The following MBP variants were observed in gnomAD, a reference collection of about 807,000 sequenced individuals.
The protein encoded by MBP is Golli-MBP.
In MBP, 16 loss-of-function variants were observed where a neutral mutation model predicts 35.8. The ratio of observed to expected loss-of-function variants is 0.45; its 90% CI spans 0.30 to 0.68. MBP has a LOEUF of 0.68. Among genes scored for constraint, MBP ranks in the 30% least tolerant of loss-of-function variants. The pLI, the probability that MBP is intolerant of heterozygous loss-of-function variation, is 0.08. For synonymous variants in MBP, 143 were observed against 159.6 expected, an observed-to-expected ratio of 0.90 and a Z score of 0.78; for missense variants, 380 against 404.7, an observed-to-expected ratio of 0.94 and a Z score of 0.52.
At chr18:76,986,091 G>C (rs898584958) in intron 7 of MBP, 1 of 985,458 alleles carries the variant, frequency 1.0e-6, no homozygotes, top group East Asian at 1.1e-4. Flanking sequence ...GTTAACAATG[G>C]GGGGCGAAGT....
At chr18:77,001,145 GC>G (rs1970610634) in intron 4 of MBP, among the ~76,000 whole-genome samples, 1 of 151,228 alleles carries the variant, frequency 6.6e-6, no homozygotes, top group Non-Finnish European at 1.5e-5. Context: ...CCTGGTCCCC[GC>G]CCACCGGGTC....
intron 2 of MBP, among the ~76,000 whole-genome samples, chr18:77,086,105 T>C (rs939170286): frequency 6.6e-6 from 1 of 152,202 alleles, no homozygotes; most frequent in Admixed American, 6.5e-5. Flanking sequence ...GAACGCAAAA[T>C]GGAACTGCCA....
chr18:76,986,198 C>T (rs974870255), intron 7 of MBP: 26 of 985,434 alleles, frequency 2.6e-5, no homozygotes, highest in African/African-American at 1.4e-4. Context: ...ACTCAATGGA[C>T]AGGGTCCAGA....
chr18:77,063,809 T>C (rs1055834752), intron 3 of MBP, among the ~76,000 whole-genome samples: 1 of 152,216 alleles, frequency 6.6e-6, no homozygotes, highest in Non-Finnish European at 1.5e-5. Flanking sequence ...TCAGGAATGA[T>C]ATCATCTTGA....
intron 3 of MBP, among the ~76,000 whole-genome samples, chr18:77,029,273 T>G (rs1972432855): frequency 6.7e-6 from 1 of 148,554 alleles, no homozygotes; most frequent in Non-Finnish European, 1.5e-5. Flanking sequence ...CAGTCAGGCG[T>G]GGCGGCGCGC....
At chr18:76,999,998 T>A (rs1429965080) in intron 4 of MBP, among the ~76,000 whole-genome samples, 1 of 152,140 alleles carries the variant, frequency 6.6e-6, no homozygotes, top group Non-Finnish European at 1.5e-5. Flanking sequence ...CCGCACCTTG[T>A]GATGTAGACT....
chr18:77,109,947 G>T (rs1041933965), intron 1 of MBP: 9 of 151,828 alleles, frequency 5.9e-5, no homozygotes, highest in Admixed American at 4.6e-4. Flanking sequence ...GTTTTTTTTT[G>T]AGTCCATGTT....
chr18:77,107,065 C>T (rs1396557260), intron 1 of MBP, among the ~76,000 whole-genome samples: 1 of 152,206 alleles, frequency 6.6e-6, no homozygotes, highest in African/African-American at 2.4e-5. Flanking sequence ...CCTAATTCTG[C>T]CTCTCTAATT....
rs534069280 is a variant in MBP at position 77,085,501 on chromosome 18, C to T, written c.52-19116G>A. 8.5e-5 allele frequency among the ~76,000 whole-genome samples: 13 copies of T among 152,126 alleles called. No individual in the cohort carries two copies. In the South Asian group the frequency reaches 2.5e-3, roughly 29 times the overall value. ...GAATGATCTCATGGCCCTTTTAGGGCTCATGTAAGGCTCATGACAGTATCT... is the reference window on the plus strand; with the variant it reads ...GAATGATCTCATGGCCCTTTTAGGGTTCATGTAAGGCTCATGACAGTATCT... On this transcript the variant is annotated intron_variant, in intron 2 of 8. Coordinates refer to ENST00000355994, the MANE Select transcript of MBP (RefSeq NM_001025101.2).
intron 3 of MBP, among the ~76,000 whole-genome samples, chr18:77,034,195 C>A (rs1972664230): frequency 6.6e-6 from 1 of 151,976 alleles, no homozygotes; most frequent in African/African-American, 2.4e-5. Flanking sequence ...GCCAGGGATG[C>A]CTTGAAGACA....
At chr18:76,981,531 A>T (rs1969201007) in intron 8 of MBP, 1 of 152,362 alleles carries the variant, frequency 6.6e-6, no homozygotes, top group Non-Finnish European at 1.5e-5. Flanking sequence ...CATACGTAGC[A>T]TTATAAACAA....
intron 2 of MBP, among the ~76,000 whole-genome samples, chr18:77,087,146 C>A (rs558951886): frequency 6.6e-6 from 1 of 152,226 alleles, no homozygotes; most frequent in East Asian, 1.9e-4. Flanking sequence ...GCCCTTGCCA[C>A]CGCAAACGGA....
At chr18:77,099,276 G>A (rs151222991) in intron 2 of MBP, among the ~76,000 whole-genome samples, 199 of 152,320 alleles carry the variant, frequency 1.3e-3, no homozygotes, top group African/African-American at 4.6e-3. Context: ...GCACGGCCAG[G>A]GTTGGAGCTG....
At position 76,989,736 on chromosome 18, in the gene MBP, C is replaced by T; in HGVS notation, c.681+220G>A. 1 of 526,880 alleles carries T rather than the reference C, an allele frequency of 1.9e-6. No individual in the cohort carries two copies. Among genetic ancestry groups the T allele is most frequent in the Non-Finnish European group, 3.4e-6 (1 of 293,256 alleles). The allele number at this position is 526,880 out of a possible 1,614,324, so 32.6% of individuals were successfully genotyped here. On this transcript the variant is annotated intron_variant, in intron 5 of 8. Transcript: ENST00000355994. This position sits in a 1 kb window ranked among gnomAD's most constrained non-coding sequence, Gnocchi z 4.0. The stretch of plus-strand genomic sequence containing the variant: ...CAAGAGAAGTGAGCTCTCTGGAGAA[C>T]GCACGGAGCGCACGGTGCAATCCGT...
At chr18:77,064,782 G>T (rs568398665) in intron 3 of MBP, among the ~76,000 whole-genome samples, 30 of 152,320 alleles carry the variant, frequency 2.0e-4, no homozygotes, top group Non-Finnish European at 2.1e-4. Flanking sequence ...CTTGAATGTT[G>T]TCTGTAACCT....
chr18:77,019,696 G>C (rs373353226), intron 3 of MBP, among the ~76,000 whole-genome samples: 1 of 152,252 alleles, frequency 6.6e-6, no homozygotes, highest in Non-Finnish European at 1.5e-5. Context: ...CAGGAAAGCA[G>C]AGAGGGCTTG....
intron 4 of MBP, among the ~76,000 whole-genome samples, chr18:77,010,316 G>A (rs1971272156): frequency 6.6e-6 from 1 of 152,220 alleles, no homozygotes; most frequent in Non-Finnish European, 1.5e-5. Context: ...CAGTGCAGAA[G>A]GCCTTTCCCA....
In MBP at chr18:76,988,470, C is replaced by A; in HGVS notation, c.750+25G>T. 6.2e-7 allele frequency: 1 copy of A among 1,614,144 alleles called. No homozygotes were observed. On this transcript the variant is annotated intron_variant, in intron 7 of 8. Transcript: ENST00000355994. The surrounding 1 kb of genome is among the most constrained non-coding windows in gnomAD (Gnocchi z 5.2). ...TGAGGACTGGGACGGAAGAGGAAGC[C>A]GATGGAAGTGCGTTCGTCACCTACC...
In MBP at chr18:77,007,542, C is replaced by T. The variant is rs540499423; in HGVS notation, c.576+9290G>A. On this transcript the variant is annotated intron_variant, in intron 4 of 8. Transcript: ENST00000355994. ...AGGGTTCTCTGTCCATTAAGAGCAA[C>T]GCTGGGAGCCCACACAGCCTGCCCA... 9.2e-5 allele frequency among the ~76,000 whole-genome samples: 14 copies of T among 152,366 alleles called. No individual in the cohort carries two copies. In the East Asian group the frequency reaches 1.2e-3, roughly 13 times the overall value.
Sources: gnomAD v4.1 joint callset for allele counts (sites outside exome capture counted in the v4.1 genomes callset) on GRCh38, gnomAD v4.1.1 for gene constraint, Gnocchi (gnomAD v3.1) non-coding constraint, MANE v1.5 for transcripts, NCBI Gene and HGNC (gene_info 2026-07-23, HGNC 2026-07-21) for gene names.